SHISA9: variants seen among roughly 807,000 people sequenced by gnomAD.
The protein encoded by SHISA9 is shisa family member 9, also known as protein shisa-9.
Under a neutral mutation model 38.0 loss-of-function variants are expected in SHISA9, and 13 were observed. The ratio of observed to expected loss-of-function variants is 0.34; its 90% CI spans 0.22 to 0.54. The LOEUF is 0.54. Ranked by LOEUF, SHISA9 falls within the 20% of genes least tolerant of loss-of-function variation. SHISA9 has a pLI of 0.91. For missense variants in SHISA9, 538 were observed against 575.8 expected (o/e 0.93, Z 0.67); for synonymous variants, 275 against 242.0 (o/e 1.14, Z -1.27).
intron 2 of SHISA9, among the ~76,000 whole-genome samples, chr16:13,024,678 A>C (rs2072899220): frequency 6.6e-6 from 1 of 152,152 alleles, no homozygotes; most frequent in African/African-American, 2.4e-5. Context: ...CAAGTGAGCT[A>C]TTTCACTTCT....
intron 2 of SHISA9, among the ~76,000 whole-genome samples, chr16:13,192,209 A>T (rs1407270305): frequency 6.6e-6 from 1 of 152,134 alleles, no homozygotes; most frequent in Non-Finnish European, 1.5e-5. Flanking sequence ...AATCACAGAT[A>T]CTAGGGACTG....
intron 2 of SHISA9, among the ~76,000 whole-genome samples, chr16:13,038,595 G>A (rs528717090): frequency 2.0e-5 from 3 of 152,216 alleles, no homozygotes; most frequent in South Asian, 4.1e-4. Flanking sequence ...TGATCATCTC[G>A]CAGTTCATTC....
intron 2 of SHISA9, among the ~76,000 whole-genome samples, chr16:13,099,375 T>A (rs192589907): frequency 3.9e-5 from 6 of 151,974 alleles, no homozygotes; most frequent in Admixed American, 3.9e-4. Flanking sequence ...CTAGATAATA[T>A]ATAAGAAGGT....
intron 2 of SHISA9, among the ~76,000 whole-genome samples, chr16:13,068,954 T>C (rs1044685105): frequency 6.6e-6 from 1 of 152,134 alleles, no homozygotes; most frequent in Non-Finnish European, 1.5e-5. Flanking sequence ...TGCGCATATG[T>C]GTACATATGC....
At chr16:13,321,547 C>G in the SHISA9 span, among the ~76,000 whole-genome samples, 1 of 152,192 alleles carries the variant, frequency 6.6e-6, no homozygotes, top group Non-Finnish European at 1.5e-5. Flanking sequence ...ATTAATCCAT[C>G]AGATTAGTTG....
At chr16:13,128,423 G>T (rs1251598387) in intron 2 of SHISA9, among the ~76,000 whole-genome samples, 4 of 152,034 alleles carry the variant, frequency 2.6e-5, no homozygotes, top group African/African-American at 9.7e-5. Context: ...TTCCAACCTA[G>T]CAGCTAGGAG....
At chr16:13,200,564 C>G (rs571529514) in intron 2 of SHISA9, among the ~76,000 whole-genome samples, 9 of 152,160 alleles carry the variant, frequency 5.9e-5, no homozygotes, top group African/African-American at 1.9e-4. Context: ...AGACAGGAAC[C>G]CTGGTGGGTT....
intron 2 of SHISA9, among the ~76,000 whole-genome samples, chr16:13,012,646 A>G (rs1187966281): frequency 1.3e-5 from 2 of 152,228 alleles, no homozygotes; most frequent in African/African-American, 2.4e-5. Context: ...AGATGAAACA[A>G]TCAGGTCACA....
the SHISA9 span, among the ~76,000 whole-genome samples, chr16:13,422,201 G>A: frequency 1.3e-5 from 2 of 152,202 alleles, no homozygotes; most frequent in Non-Finnish European, 1.5e-5. Context: ...CCAGCACAGA[G>A]GTTCAGTGAG....
At chr16:12,947,690 T>C (rs1485911650) in intron 2 of SHISA9, among the ~76,000 whole-genome samples, 1 of 152,190 alleles carries the variant, frequency 6.6e-6, no homozygotes, top group African/African-American at 2.4e-5. Context: ...GCTTTTAGGA[T>C]AACTCATCTA....
intron 2 of SHISA9, among the ~76,000 whole-genome samples, chr16:13,140,153 CCCCTCCCCTCCCCTCCCCTCCCCTT>C: frequency 1.2e-5 from 1 of 82,602 alleles, no homozygotes; most frequent in African/African-American, 5.2e-5. Context: ...CCCCTCCCCT[CCCCTCCCCTCCCCTCCCCTCCCCTT>C]CCCTTCCCTT....
chr16:13,199,866 C>G (rs910201978), intron 2 of SHISA9, among the ~76,000 whole-genome samples: 2 of 152,166 alleles, frequency 1.3e-5, no homozygotes, highest in African/African-American at 4.8e-5. Flanking sequence ...TGAGCCCTCG[C>G]TAGCTGGGCA....
intron 2 of SHISA9, among the ~76,000 whole-genome samples, chr16:13,007,835 TTCTC>T (rs1255670733): frequency 6.6e-6 from 1 of 152,256 alleles, no homozygotes; most frequent in East Asian, 1.9e-4. Context: ...CCTGTCATCT[TTCTC>T]TCCTCTTGCA....
intron 1 of SHISA9, chr16:12,902,947 T>C: frequency 3.3e-6 from 1 of 302,156 alleles, no homozygotes; most frequent in Non-Finnish European, 6.1e-6. Flanking sequence ...TGGGAGCCCG[T>C]GGCCCCGAAA....
the SHISA9 span, among the ~76,000 whole-genome samples, chr16:13,296,247 C>T: frequency 6.6e-6 from 1 of 151,648 alleles, no homozygotes. Flanking sequence ...ACATTCCCCA[C>T]CCTCCATCTT....
chr16:13,019,548 A>G (rs1443777262), intron 2 of SHISA9, among the ~76,000 whole-genome samples: 4 of 151,950 alleles, frequency 2.6e-5, no homozygotes, highest in African/African-American at 9.7e-5. Context: ...TTAGGTGTAC[A>G]TTTAATGGCG....
chr16:13,027,928 AAAAAC>A (rs1378491662), intron 2 of SHISA9, among the ~76,000 whole-genome samples: 1 of 84,110 alleles, frequency 1.2e-5, no homozygotes, highest in Non-Finnish European at 2.9e-5. Context: ...GCTCTGTCTC[AAAAAC>A]AAAAAAAAAA....
At chr16:13,371,370 C>G in the SHISA9 span, among the ~76,000 whole-genome samples, 1 of 152,146 alleles carries the variant, frequency 6.6e-6, no homozygotes. Context: ...TCCACTGAAA[C>G]TGATGTGCCT....
intron 2 of SHISA9, among the ~76,000 whole-genome samples, chr16:13,202,368 C>T (rs2051014336): frequency 7.5e-6 from 1 of 132,652 alleles, no homozygotes; most frequent in South Asian, 2.3e-4. Flanking sequence ...TATAACAACC[C>T]TCCTTCCTGT....
Sources: allele counts gnomAD v4.1 joint callset (sites outside exome capture counted in the v4.1 genomes callset), GRCh38; gene constraint gnomAD v4.1.1; transcripts MANE v1.5; gene names NCBI Gene and HGNC (gene_info 2026-07-23, HGNC 2026-07-21).